XKR6: variants seen among roughly 807,000 people sequenced by gnomAD.
The protein encoded by XKR6 is XK-related protein 6.
In XKR6, 22 loss-of-function variants were observed where a neutral mutation model predicts 56.7. The observed-to-expected ratio is 0.39, with a 90% CI of 0.28 to 0.55. XKR6 has a LOEUF of 0.55. XKR6 is among the 20% of genes least tolerant of loss of function. XKR6 has a pLI of 0.66. For missense variants in XKR6, 852 were observed against 889.0 expected, an observed-to-expected ratio of 0.96 and a Z score of 0.53; for synonymous variants, 524 against 387.8, an observed-to-expected ratio of 1.35 and a Z score of -4.13.
chr8:10,916,367 A>G (rs527241147), intron 2 of XKR6, among the ~76,000 whole-genome samples: 1 of 152,330 alleles, frequency 6.6e-6, no homozygotes, highest in East Asian at 1.9e-4. Context: ...TTTAACCAAG[A>G]TCCCAAAGTT....
intron 1 of XKR6, among the ~76,000 whole-genome samples, chr8:11,000,730 G>T (rs1013409346): frequency 1.8e-4 from 28 of 152,074 alleles, no homozygotes; most frequent in Admixed American, 1.4e-3. Context: ...ATGTTTTGGG[G>T]TCTCATGATT....
rs35728440 is a variant in XKR6, at chr8:10,896,083, T to TTATATATA, written c.*1861_*1868dup. ...ATTTACTTAAAAATATTGTGTGTGT[T>TTATATATA]TATATATATATATATATATATACTT... On this transcript the variant is annotated 3_prime_UTR_variant, in exon 3 of 3. Coordinates refer to ENST00000416569, the MANE Select transcript of XKR6 (RefSeq NM_173683.4). 35 of 141,178 alleles carry TTATATATA rather than the reference T, an allele frequency of 2.5e-4. No individual in the cohort carries two copies. The highest frequency in any genetic ancestry group is 3.6e-4 in the Admixed American group (5 of 14,034). 8.7% of individuals were successfully genotyped at this position (141,178 alleles called of 1,614,324 possible).
chr8:11,141,517 G>A (rs916886414), intron 1 of XKR6, among the ~76,000 whole-genome samples: 9 of 152,160 alleles, frequency 5.9e-5, no homozygotes, highest in South Asian at 2.1e-4. Flanking sequence ...AATGACCTGC[G>A]GTCCTTAGAG....
chr8:10,976,761 CTCTCTCTCTCTCTCTCTG>C (rs1256154185), intron 1 of XKR6, among the ~76,000 whole-genome samples: 3 of 149,848 alleles, frequency 2.0e-5, no homozygotes, highest in Admixed American at 1.3e-4. Flanking sequence ...CTGTCTCTCT[CTCTCTCTCTCTCTCTCTG>C]TCTCTCTCTC....
intron 1 of XKR6, among the ~76,000 whole-genome samples, chr8:11,126,753 C>T (rs1035123450): frequency 3.3e-5 from 5 of 152,118 alleles, no homozygotes; most frequent in Non-Finnish European, 2.9e-5. Context: ...AACCAAAATG[C>T]CAACTCGACA....
At chr8:11,157,103 T>G (rs1463391828) in intron 1 of XKR6, among the ~76,000 whole-genome samples, 1 of 152,130 alleles carries the variant, frequency 6.6e-6, no homozygotes, top group Non-Finnish European at 1.5e-5. Flanking sequence ...AAGAAAAATG[T>G]CATACTAACC....
At chr8:10,976,947 C>T (rs570771987) in intron 1 of XKR6, among the ~76,000 whole-genome samples, 2 of 149,324 alleles carry the variant, frequency 1.3e-5, no homozygotes, top group Admixed American at 6.7e-5. Context: ...CCCTGCTGAG[C>T]GTGCATGCCA....
chr8:11,184,442 C>T (rs1803162447), intron 1 of XKR6, among the ~76,000 whole-genome samples: 1 of 151,258 alleles, frequency 6.6e-6, no homozygotes, highest in African/African-American at 2.4e-5. Context: ...TTATTAGTAA[C>T]CTAATTTTTA....
rs200618533 is a variant in XKR6, at chr8:10,924,925, T to TC, written c.765-96dup. ...CCCCCTAAAACCAAGAGACTCAGCA[T>TC]CCCCCCAACTCCCTATGCTCTGAAG... On this transcript the variant is annotated intron_variant, in intron 1 of 2. Coordinates refer to ENST00000416569, the MANE Select transcript of XKR6 (RefSeq NM_173683.4). The TC allele has an allele frequency of 2.3e-3, 3,064 of 1,314,108 alleles. 27 individuals are homozygous for TC. The highest frequency in any genetic ancestry group is 0.02 in the African/African-American group (1,377 of 67,582). 81.4% of individuals were successfully genotyped at this position (1,314,108 alleles called of 1,614,324 possible).
chr8:11,157,238 G>A (rs968493750), intron 1 of XKR6, among the ~76,000 whole-genome samples: 1 of 152,090 alleles, frequency 6.6e-6, no homozygotes, highest in Non-Finnish European at 1.5e-5. Context: ...ACAACAAAAC[G>A]CAAGATGGTC....
intron 1 of XKR6, among the ~76,000 whole-genome samples, chr8:11,182,845 T>C (rs1177044947): frequency 6.6e-6 from 1 of 152,208 alleles, no homozygotes; most frequent in Non-Finnish European, 1.5e-5. Context: ...AAACTGGAAC[T>C]CTGTGCCATA....
chr8:11,087,803 C>T (rs970306326), intron 1 of XKR6, among the ~76,000 whole-genome samples: 2 of 152,220 alleles, frequency 1.3e-5, no homozygotes, highest in African/African-American at 2.4e-5. Context: ...CAAAGGTCAT[C>T]TCCACTGATA....
At chr8:11,195,649 T>C (rs958631285) in intron 1 of XKR6, among the ~76,000 whole-genome samples, 6 of 151,564 alleles carry the variant, frequency 4.0e-5, no homozygotes, top group African/African-American at 1.2e-4. Flanking sequence ...TCCCACTGAG[T>C]TTCTTTTTTT....
At position 11,064,417 on chromosome 8, in the gene XKR6, T is replaced by C. The variant is rs1402324639; in HGVS notation, c.764+136159A>G. On this transcript the variant is annotated intron_variant, in intron 1 of 2. Transcript: ENST00000416569. ...CATGGGCCATCATCTGATCACATAG[T>C]TCCTAATCCGTTATCGTGCCAAGAG... 2.7e-5 allele frequency among the ~76,000 whole-genome samples: 4 copies of C among 150,908 alleles called. 1 individual carries two copies. The highest frequency in any genetic ancestry group is 5.9e-5 in the Non-Finnish European group (4 of 67,914).
intron 1 of XKR6, among the ~76,000 whole-genome samples, chr8:11,013,419 C>T (rs1477475758): frequency 6.6e-6 from 1 of 152,166 alleles, no homozygotes; most frequent in Non-Finnish European, 1.5e-5. Flanking sequence ...CTTCAGGATG[C>T]CGGCTCTCAT....
At chr8:11,135,401 G>T (rs1426155174) in intron 1 of XKR6, among the ~76,000 whole-genome samples, 1 of 152,078 alleles carries the variant, frequency 6.6e-6, no homozygotes, top group African/African-American at 2.4e-5. Context: ...TCTACCCCAG[G>T]ATAGATAGAA....
intron 1 of XKR6, among the ~76,000 whole-genome samples, chr8:11,129,302 T>A (rs1161743144): frequency 6.6e-6 from 1 of 152,238 alleles, no homozygotes; most frequent in Admixed American, 6.5e-5. Flanking sequence ...AAATACCTAA[T>A]ACCCCTGATG....
intron 1 of XKR6, among the ~76,000 whole-genome samples, chr8:11,155,702 C>G (rs1379642057): frequency 6.6e-6 from 1 of 152,210 alleles, no homozygotes; most frequent in Non-Finnish European, 1.5e-5. Flanking sequence ...ACTGGCACTA[C>G]AGAAGTCTCA....
intron 1 of XKR6, among the ~76,000 whole-genome samples, chr8:10,952,216 C>A (rs7821006): frequency 6.6e-6 from 1 of 151,882 alleles, no homozygotes; most frequent in African/African-American, 2.4e-5. Context: ...CACCCACAGG[C>A]CTCCCCGTGA....
Sources: allele counts gnomAD v4.1 joint callset (sites outside exome capture counted in the v4.1 genomes callset), GRCh38; gene constraint gnomAD v4.1.1; transcripts MANE v1.5; gene names NCBI Gene and HGNC (gene_info 2026-07-23, HGNC 2026-07-21).